The following DYNC2I1 variants were observed in gnomAD, a reference collection of about 807,000 sequenced individuals.
DYNC2I1 encodes cytoplasmic dynein 2 intermediate chain 1.
Under a neutral mutation model 133.4 loss-of-function variants are expected in DYNC2I1, and 89 were observed. The ratio of observed to expected loss-of-function variants is 0.67; its 90% CI spans 0.56 to 0.80. DYNC2I1 has a LOEUF of 0.80. Among genes scored for constraint, DYNC2I1 ranks in the 30% least tolerant of loss-of-function variants. The pLI, the probability that DYNC2I1 is intolerant of heterozygous loss-of-function variation, is 0.00. For synonymous variants in DYNC2I1, 504 were observed against 484.3 expected (o/e 1.04, Z -0.54); for missense variants, 1,291 against 1,314.5 (o/e 0.98, Z 0.28).
At chr7:158,951,631 G>A (rs899006221) in intron 4 of DYNC2I1, among the ~76,000 whole-genome samples, 1 of 152,220 alleles carries the variant, frequency 6.6e-6, no homozygotes, top group African/African-American at 2.4e-5. Context: ...GTACTGAGAG[G>A]TGTCAAGTGA....
At chr7:158,918,363 C>T (rs529378186) in intron 14 of DYNC2I1, among the ~76,000 whole-genome samples, 1 of 152,214 alleles carries the variant, frequency 6.6e-6, no homozygotes, top group African/African-American at 2.4e-5. Context: ...AGTGTTTTAC[C>T]ACTCACTCTG....
At chr7:158,881,034 A>G (rs1843946954) in intron 5 of DYNC2I1, among the ~76,000 whole-genome samples, 1 of 152,210 alleles carries the variant, frequency 6.6e-6, no homozygotes, top group Non-Finnish European at 1.5e-5. Context: ...AAATGGACGT[A>G]GAGCTGGTGG....
intron 4 of DYNC2I1, among the ~76,000 whole-genome samples, chr7:158,879,446 C>T (rs866607850): frequency 8.6e-5 from 13 of 152,016 alleles, no homozygotes; most frequent in African/African-American, 1.5e-4. Flanking sequence ...TGCTTTAAAT[C>T]GTCTCTATAT....
rs760178476 is a variant in DYNC2I1 at position 158,913,063 on chromosome 7, C to A, written c.1669C>A (p.Gln557Lys). The A allele has an allele frequency of 6.2e-7, 1 of 1,613,492 alleles. No individual in the cohort carries two copies. Among genetic ancestry groups the A allele is most frequent in the Non-Finnish European group, 8.5e-7 (1 of 1,179,608 alleles). Residue 557 changes from glutamine to lysine, a missense_variant, in exon 13 of 25, where the codon CAG becomes AAG. Transcript: ENST00000407559. ...AATAGAGACCAGGGAAGTGTGGACCCAGCACCCGGGAGAAAGTACTGTTGT... is the reference window on the plus strand; with the variant it reads ...AATAGAGACCAGGGAAGTGTGGACCAAGCACCCGGGAGAAAGTACTGTTGT... ...EEIETREVWT[Q>K]HPGESTVVSG...
At chr7:158,914,107 T>G in intron 13 of DYNC2I1, 126 bp from the exon 14 acceptor site, 32 of 665,162 alleles carry the variant, frequency 4.8e-5, no homozygotes, top group Non-Finnish European at 7.0e-5. Context: ...TAGCTTGAAG[T>G]TTTCTGTCTT....
intron 1 of DYNC2I1, among the ~76,000 whole-genome samples, chr7:158,865,009 A>C (rs978980229): frequency 6.6e-6 from 1 of 152,214 alleles, no homozygotes; most frequent in Non-Finnish European, 1.5e-5. Context: ...ATGTGGCAGG[A>C]ACAATGAGCG....
In DYNC2I1 at chr7:158,884,582, C is replaced by T. The variant is rs780061154; in HGVS notation, c.898C>T (p.Arg300Ter). The T allele has an allele frequency of 9.3e-6, 15 of 1,611,968 alleles. No individual in the cohort carries two copies. The highest frequency in any genetic ancestry group is 2.2e-5 in the East Asian group (1 of 44,748). The change falls in exon 6 of 25, where the codon CGA becomes TGA. Residue 300 changes from arginine to a stop codon, truncating the protein, a stop_gained. Coordinates refer to ENST00000407559, the MANE Select transcript of DYNC2I1 (RefSeq NM_018051.5). LOFTEE classifies it high-confidence loss of function. Reference protein sequence around the residue: ...RESQNGEHRNRGASSKRDGTS... With the variant: ...RESQNGEHRN ...TTGATAGAATGGTGAACACAGAAAT[C>T]GAGGTGCAAGCTCAAAAAGAGATGG...
chr7:158,848,768 C>CA, the DYNC2I1 span, among the ~76,000 whole-genome samples: 2 of 152,092 alleles, frequency 1.3e-5, no homozygotes, highest in East Asian at 1.9e-4. Flanking sequence ...ACTAAAAATA[C>CA]AAAAAATTAG....
At chr7:158,840,693 T>G in the DYNC2I1 span, among the ~76,000 whole-genome samples, 3 of 152,258 alleles carry the variant, frequency 2.0e-5, no homozygotes, top group Non-Finnish European at 4.4e-5. Flanking sequence ...GGAGAATATT[T>G]ACACACGAAT....
chr7:158,912,940 C>T (rs528080989), intron 12 of DYNC2I1, 45 bp from the exon 13 acceptor site: 20 of 1,413,968 alleles, frequency 1.4e-5, no homozygotes, highest in Admixed American at 6.1e-5. Context: ...CAGATTGCTC[C>T]GAAATTGAAA....
chr7:158,920,209 G>GCA (rs1848903766), intron 15 of DYNC2I1, among the ~76,000 whole-genome samples: 2 of 150,232 alleles, frequency 1.3e-5, no homozygotes, highest in South Asian at 2.1e-4. Flanking sequence ...CACGTGAAGT[G>GCA]TGTGCGCATA....
the DYNC2I1 span, among the ~76,000 whole-genome samples, chr7:158,841,201 A>ATG: frequency 2.9e-5 from 1 of 34,378 alleles, no homozygotes; most frequent in African/African-American, 1.1e-4. Context: ...ATATATATAT[A>ATG]TATATATATA....
intron 4 of DYNC2I1, among the ~76,000 whole-genome samples, chr7:158,878,614 C>T (rs1263123463): frequency 2.1e-4 from 23 of 109,074 alleles, no homozygotes; most frequent in South Asian, 3.2e-4. Context: ...CTGTGAATGC[C>T]GGGTGCCATG....
chr7:158,915,918 C>T (rs75867901), intron 14 of DYNC2I1, among the ~76,000 whole-genome samples: 21 of 137,000 alleles, frequency 1.5e-4, no homozygotes, highest in African/African-American at 4.4e-4. Flanking sequence ...AACGTCGACA[C>T]GCTGGTTGAC....
At chr7:158,957,082 C>T (rs993317034), downstream of DYNC2I1, among the ~76,000 whole-genome samples, 2 of 152,058 alleles carry the variant, frequency 1.3e-5, no homozygotes, top group South Asian at 2.1e-4. Flanking sequence ...CTGCTGCTGC[C>T]GGCCTGGGTC....
rs561361305 is a variant in DYNC2I1 at position 158,910,208 on chromosome 7, G to A, written c.1461-1342G>A. On this transcript the variant is annotated intron_variant, in intron 11 of 24. Coordinates refer to ENST00000407559, the MANE Select transcript of DYNC2I1 (RefSeq NM_018051.5). ...GAAAGGAAAACCCAGCACAGGCGATGGAAAAGGAACTGTTTGTGAAGCAAG... is the reference window on the plus strand; with the variant it reads ...GAAAGGAAAACCCAGCACAGGCGATAGAAAAGGAACTGTTTGTGAAGCAAG... Among the ~76,000 whole-genome samples, 4 of 152,400 alleles carry A rather than the reference G, an allele frequency of 2.6e-5. No individual in the cohort carries two copies. In the South Asian group the frequency reaches 8.3e-4, roughly 32 times the overall value.
chr7:158,871,433 A>G lies in DYNC2I1; in HGVS notation c.361A>G (p.Arg121Gly). ...AEKSHSRGKD[R>G]EKEKDRRARK... is the part of the protein sequence containing the mutation. Reference sequence around the variant, plus strand: ...AAAGTCTCACAGCAGAGGAAAGGACAGGGAAAAAGAAAAAGACAGAAGGGC... The same window carrying G: ...AAAGTCTCACAGCAGAGGAAAGGACGGGGAAAAAGAAAAAGACAGAAGGGC... The change falls in exon 3 of 25, where the codon AGG becomes GGG. Residue 121 changes from arginine (R) to glycine (G), a missense_variant. Physicochemically the swap from Arg to Gly is moderately radical, Grantham distance 125 (BLOSUM62 -2). Coordinates refer to ENST00000407559, the MANE Select transcript of DYNC2I1 (RefSeq NM_018051.5). The G allele has an allele frequency of 1.3e-6, 2 of 1,551,410 alleles. No individual in the cohort carries two copies. The highest frequency in any genetic ancestry group is 1.2e-5 in the South Asian group (1 of 84,056).
At chr7:158,915,234 G>C (rs567203680) in intron 14 of DYNC2I1, among the ~76,000 whole-genome samples, 2 of 151,562 alleles carry the variant, frequency 1.3e-5, no homozygotes, top group African/African-American at 4.9e-5. Flanking sequence ...GTGAAACATC[G>C]ACATGCTGGT....
chr7:158,863,056 G>C (rs1322557505), intron 1 of DYNC2I1, among the ~76,000 whole-genome samples: 1 of 145,392 alleles, frequency 6.9e-6, no homozygotes, highest in Non-Finnish European at 1.5e-5. Flanking sequence ...TTATTGTGAA[G>C]AACAAAGCAC....
Sources: allele counts gnomAD v4.1 joint callset (sites outside exome capture counted in the v4.1 genomes callset), GRCh38; gene constraint gnomAD v4.1.1; transcripts MANE v1.5; gene names NCBI Gene and HGNC (gene_info 2026-07-23, HGNC 2026-07-21).